Variants in RASAL2 observed in about 807,000 individuals in gnomAD.
RASAL2 encodes the protein ras GTPase-activating protein nGAP.
In RASAL2, 58 loss-of-function variants were observed where a neutral mutation model predicts 128.9. The observed-to-expected ratio is 0.45, with a 90% CI of 0.36 to 0.56. RASAL2 has a LOEUF of 0.56. RASAL2 is among the 20% of genes least tolerant of loss of function. The pLI is 0.00. For synonymous variants in RASAL2, 561 were observed against 580.8 expected (o/e 0.97, Z 0.49); for missense variants, 1,360 against 1,601.6 (o/e 0.85, Z 2.57).
chr1:178,375,580 A>G (rs925197947), intron 3 of RASAL2, among the ~76,000 whole-genome samples: 8 of 152,142 alleles, frequency 5.3e-5, no homozygotes, highest in Non-Finnish European at 8.8e-5. Context: ...ATGCCTCCAC[A>G]AGGAGGGCTT....
At position 178,275,013 on chromosome 1, in the gene RASAL2, T is replaced by A. The variant is rs75222997; in HGVS notation, c.203-8551T>A. On this transcript the variant is annotated intron_variant, in intron 1 of 17. Transcript: ENST00000367649. ...TTTGAATATTTTATATTTTTCTGTT[T>A]AAGAGGTTTAGTATGAACTGTAGAT... Among the ~76,000 whole-genome samples, 52 of 152,344 alleles carry A rather than the reference T, an allele frequency of 3.4e-4. No individual in the cohort carries two copies. The East Asian group carries it at 9.6e-3, about 28-fold the overall frequency.
intron 3 of RASAL2, among the ~76,000 whole-genome samples, chr1:178,350,253 T>C (rs184627121): frequency 6.6e-6 from 1 of 152,236 alleles, no homozygotes; most frequent in East Asian, 1.9e-4. Flanking sequence ...GGGTCTCACT[T>C]TGTCACCCAG....
rs576125039 is a variant in RASAL2 at position 178,308,539 on chromosome 1, CT to C, written c.457+8439del. Among the ~76,000 whole-genome samples, 387 of 129,974 alleles carry C rather than the reference CT, an allele frequency of 3.0e-3. 1 individual carries two copies. The highest frequency in any genetic ancestry group is 7.5e-3 in the East Asian group (34 of 4,528). 85.3% of individuals were successfully genotyped at this position (129,974 alleles called of 152,430 possible). On this transcript the variant is annotated intron_variant, in intron 3 of 17. Transcript: ENST00000367649. ...AAGATATTGATTATTCAAACATTAG[CT>C]TTTTTTTTTTTTTTTTTGGAGGCAG...
chr1:178,391,664 G>A (rs1672911362), intron 4 of RASAL2, among the ~76,000 whole-genome samples: 1 of 152,152 alleles, frequency 6.6e-6, no homozygotes, highest in Non-Finnish European at 1.5e-5. Context: ...ATTTGGGAAA[G>A]CAGTACAAAA....
At position 178,454,575 on chromosome 1, in the gene RASAL2, G is replaced by A; in HGVS notation, c.2138G>A (p.Gly713Asp). The A allele has an allele frequency of 6.2e-7, 1 of 1,613,944 alleles. No individual in the cohort carries two copies. ...DTISNTPGFDGYIDLGRELSV... is the reference protein window; with the variant it reads ...DTISNTPGFDDYIDLGRELSV... The stretch of plus-strand genomic sequence containing the variant: ...ATCTCAAACACCCCAGGCTTTGATG[G>A]TTACATTGATCTGGGCCGAGAGCTT... Residue 713 changes from glycine to aspartate, a missense_variant, in exon 12 of 18, where the codon GGT becomes GAT. Gly to Asp is a moderately conservative substitution (Grantham distance 94). Coordinates refer to ENST00000367649, the MANE Select transcript of RASAL2 (RefSeq NM_170692.4).
intron 1 of RASAL2, among the ~76,000 whole-genome samples, chr1:178,154,316 T>G (rs1312076941): frequency 6.6e-6 from 1 of 152,026 alleles, no homozygotes; most frequent in Non-Finnish European, 1.5e-5. Context: ...TTAGCTAATT[T>G]TTAAAATTTT....
Position 178,474,583 on chromosome 1 carries a change from A to G in RASAL2, c.*1344A>G, listed in dbSNP as rs1648541829. On this transcript the variant is annotated 3_prime_UTR_variant, in exon 18 of 18. Coordinates refer to ENST00000367649, the MANE Select transcript of RASAL2 (RefSeq NM_170692.4). ...TATTATAGAACAGAAAAAGTCATGG[A>G]AACGAATTCATTTCCTTTTTTCCAG... The G allele has an allele frequency of 6.6e-6, 1 of 152,196 alleles. No individual in the cohort carries two copies. The highest frequency in any genetic ancestry group is 1.5e-5 in the Non-Finnish European group (1 of 68,044). 9.4% of individuals were successfully genotyped at this position (152,196 alleles called of 1,614,324 possible).
At chr1:178,446,437 G>T (rs529524147) in intron 9 of RASAL2, among the ~76,000 whole-genome samples, 36 of 152,180 alleles carry the variant, frequency 2.4e-4, no homozygotes, top group Admixed American at 8.5e-4. Context: ...GTATTAAAAA[G>T]GATGAAGAGA....
At chr1:178,282,035 G>A (rs1666805558) in intron 1 of RASAL2, among the ~76,000 whole-genome samples, 1 of 152,154 alleles carries the variant, frequency 6.6e-6, no homozygotes, top group Admixed American at 6.5e-5. Flanking sequence ...ACTACAAGGG[G>A]AGGGTTGAGG....
At chr1:178,286,031 C>G (rs1357162037) in intron 2 of RASAL2, among the ~76,000 whole-genome samples, 2 of 152,126 alleles carry the variant, frequency 1.3e-5, no homozygotes, top group African/African-American at 4.8e-5. Context: ...ATGAGTAACC[C>G]TAAACACCTG....
At chr1:178,266,363 T>G (rs1026655131) in intron 1 of RASAL2, among the ~76,000 whole-genome samples, 1 of 152,178 alleles carries the variant, frequency 6.6e-6, no homozygotes, top group Non-Finnish European at 1.5e-5. Flanking sequence ...AAATGGACAT[T>G]TGGATATTCT....
chr1:178,250,941 A>AAAG (rs1213676574), intron 1 of RASAL2, among the ~76,000 whole-genome samples: 1 of 152,192 alleles, frequency 6.6e-6, no homozygotes, highest in African/African-American at 2.4e-5. Context: ...AGCTCTTAGT[A>AAAG]CAGTCAAGGG....
intron 1 of RASAL2, among the ~76,000 whole-genome samples, chr1:178,141,202 T>C (rs988848884): frequency 7.7e-6 from 1 of 130,656 alleles, no homozygotes; most frequent in East Asian, 2.1e-4. Context: ...TCTTTTTTTT[T>C]TTTTTTTTTT....
chr1:178,287,058 C>T (rs894617068), intron 2 of RASAL2, among the ~76,000 whole-genome samples: 1 of 152,024 alleles, frequency 6.6e-6, no homozygotes, highest in Non-Finnish European at 1.5e-5. Context: ...CTCTGATGTC[C>T]TCTCTCTCCC....
At chr1:178,409,098 G>A (rs1005553981) in intron 4 of RASAL2, among the ~76,000 whole-genome samples, 2 of 152,148 alleles carry the variant, frequency 1.3e-5, no homozygotes, top group African/African-American at 4.8e-5. Flanking sequence ...AGAGCAAGCG[G>A]GGAACTGCCA....
chr1:178,188,838 C>G (rs1382013272), intron 1 of RASAL2, among the ~76,000 whole-genome samples: 1 of 151,966 alleles, frequency 6.6e-6, no homozygotes, highest in Non-Finnish European at 1.5e-5. Flanking sequence ...GGTGATGAAC[C>G]ACAGGAGTCA....
intron 1 of RASAL2, among the ~76,000 whole-genome samples, chr1:178,109,313 G>A (rs1176664534): frequency 6.6e-6 from 1 of 152,044 alleles, no homozygotes; most frequent in East Asian, 1.9e-4. Context: ...TTTTGCCCAG[G>A]CTGGTCTTAA....
chr1:178,317,890 G>A (rs1307720769), intron 3 of RASAL2, among the ~76,000 whole-genome samples: 1 of 151,836 alleles, frequency 6.6e-6, no homozygotes, highest in Non-Finnish European at 1.5e-5. Context: ...ATGTTAGGGT[G>A]TCAATTTTGG....
chr1:178,224,360 G>A (rs1203745739), intron 1 of RASAL2, among the ~76,000 whole-genome samples: 5 of 151,358 alleles, frequency 3.3e-5, no homozygotes, highest in Admixed American at 6.6e-5. Context: ...CCTTCTAGAC[G>A]TATCTTTGTC....
Sources: allele counts gnomAD v4.1 joint callset (sites outside exome capture counted in the v4.1 genomes callset), GRCh38; gene constraint gnomAD v4.1.1; transcripts MANE v1.5; gene names NCBI Gene and HGNC (gene_info 2026-07-23, HGNC 2026-07-21).